The following PTPRT variants were observed in gnomAD, a reference collection of about 807,000 sequenced individuals.
PTPRT encodes receptor-type tyrosine-protein phosphatase T.
In PTPRT, 56 loss-of-function variants were observed where a neutral mutation model predicts 176.8. That is an observed-to-expected ratio of 0.32 (90% CI 0.26 to 0.40). PTPRT has a LOEUF of 0.40. PTPRT is among the 10% of genes least tolerant of loss of function. The pLI is 1.00. For synonymous variants in PTPRT, 783 were observed against 739.0 expected, an observed-to-expected ratio of 1.06 and a Z score of -0.96; for missense variants, 1,540 against 1,908.2, an observed-to-expected ratio of 0.81 and a Z score of 3.60.
intron 1 of PTPRT, among the ~76,000 whole-genome samples, chr20:43,110,344 T>C (rs114024603): frequency 3.2e-4 from 48 of 152,324 alleles, no homozygotes; most frequent in African/African-American, 1.2e-3. Flanking sequence ...CACCTCAGAA[T>C]AGGCCCTCCT....
intron 1 of PTPRT, among the ~76,000 whole-genome samples, chr20:42,886,902 G>T (rs1437253301): frequency 1.3e-5 from 2 of 152,180 alleles, no homozygotes; most frequent in Non-Finnish European, 2.9e-5. Context: ...ATGGGCGGAG[G>T]GCAGGAGGAA....
At chr20:42,328,054 A>G (rs2057911119) in intron 11 of PTPRT, among the ~76,000 whole-genome samples, 2 of 152,248 alleles carry the variant, frequency 1.3e-5, no homozygotes, top group South Asian at 4.1e-4. Flanking sequence ...GCACAAATGA[A>G]AACCTCCAAC....
intron 1 of PTPRT, among the ~76,000 whole-genome samples, chr20:42,947,904 TTA>T (rs1980988958): frequency 6.6e-6 from 1 of 152,164 alleles, no homozygotes; most frequent in South Asian, 2.1e-4. Context: ...GAACAGGGAA[TTA>T]TGTCTGTCTT....
chr20:42,679,406 C>T (rs2146075062), intron 6 of PTPRT, among the ~76,000 whole-genome samples: 2 of 152,076 alleles, frequency 1.3e-5, no homozygotes, highest in East Asian at 3.9e-4. Context: ...GACCAACTTG[C>T]ACCAAGGAAA....
chr20:42,136,047 A>G (rs1988358632), intron 18 of PTPRT, among the ~76,000 whole-genome samples: 2 of 152,044 alleles, frequency 1.3e-5, no homozygotes, highest in African/African-American at 4.8e-5. Context: ...AACTCTCAGA[A>G]CAAACCACAA....
intron 1 of PTPRT, among the ~76,000 whole-genome samples, chr20:43,111,587 G>A (rs964839232): frequency 6.6e-6 from 1 of 151,276 alleles, no homozygotes; most frequent in African/African-American, 2.4e-5. Context: ...TACATAATGG[G>A]ACTTGTATAT....
At chr20:42,625,247 A>C (rs1350544847) in intron 7 of PTPRT, among the ~76,000 whole-genome samples, 1 of 152,104 alleles carries the variant, frequency 6.6e-6, no homozygotes, top group Admixed American at 6.5e-5. Flanking sequence ...AAGATGTTTA[A>C]TTTCTCTGGG....
At chr20:42,658,051 C>T (rs755514654) in intron 7 of PTPRT, among the ~76,000 whole-genome samples, 2 of 151,878 alleles carry the variant, frequency 1.3e-5, no homozygotes, top group Non-Finnish European at 2.9e-5. Context: ...CTATCACTGA[C>T]TTGTACATAT....
At chr20:42,619,051 T>G (rs2074137095) in intron 7 of PTPRT, among the ~76,000 whole-genome samples, 1 of 149,726 alleles carries the variant, frequency 6.7e-6, no homozygotes, top group Non-Finnish European at 1.5e-5. Context: ...GTCTTTACAT[T>G]TTGGCATGAT....
chr20:42,799,294 C>T (rs1393823238), intron 2 of PTPRT, among the ~76,000 whole-genome samples: 3 of 152,018 alleles, frequency 2.0e-5, no homozygotes, highest in Non-Finnish European at 4.4e-5. Context: ...GGAGACAAAG[C>T]AGAATAACAT....
chr20:42,091,717 C>T (rs1179368708), intron 27 of PTPRT, among the ~76,000 whole-genome samples: 1 of 152,044 alleles, frequency 6.6e-6, no homozygotes, highest in Non-Finnish European at 1.5e-5. Flanking sequence ...ATATAATTGG[C>T]TTTGATACTA....
At chr20:42,104,985 C>T (rs371619966) in intron 24 of PTPRT, among the ~76,000 whole-genome samples, 11 of 152,132 alleles carry the variant, frequency 7.2e-5, no homozygotes, top group South Asian at 2.1e-4. Context: ...TGTCAGCAGG[C>T]GCTCTTGGTG....
At chr20:43,069,377 A>G (rs1195650685) in intron 1 of PTPRT, among the ~76,000 whole-genome samples, 2 of 152,216 alleles carry the variant, frequency 1.3e-5, no homozygotes, top group African/African-American at 4.8e-5. Context: ...GCAATAACAA[A>G]TCTTCTACAA....
chr20:43,175,292 T>A (rs1421998918), intron 1 of PTPRT, among the ~76,000 whole-genome samples: 1 of 152,256 alleles, frequency 6.6e-6, no homozygotes, highest in Non-Finnish European at 1.5e-5. Flanking sequence ...TAAAGTTCTC[T>A]ATTTCCCTTC....
At chr20:42,272,625 C>G (rs1338148198) in intron 13 of PTPRT, among the ~76,000 whole-genome samples, 1 of 152,126 alleles carries the variant, frequency 6.6e-6, no homozygotes, top group Non-Finnish European at 1.5e-5. Context: ...GGGTGTCCTT[C>G]CCCAAAAAGG....
intron 7 of PTPRT, among the ~76,000 whole-genome samples, chr20:42,595,301 T>C (rs1377918564): frequency 6.6e-6 from 1 of 152,070 alleles, no homozygotes. Context: ...CATTGACATT[T>C]TGGGCCAGAA....
intron 7 of PTPRT, among the ~76,000 whole-genome samples, chr20:42,530,782 C>T (rs889088136): frequency 6.6e-6 from 1 of 152,152 alleles, no homozygotes; most frequent in Non-Finnish European, 1.5e-5. Flanking sequence ...CTTTGCAGTA[C>T]TTGTGCATCC....
At chr20:42,219,162 A>G (rs2055830693) in intron 15 of PTPRT, among the ~76,000 whole-genome samples, 1 of 152,170 alleles carries the variant, frequency 6.6e-6, no homozygotes, top group African/African-American at 2.4e-5. Context: ...GTTAGAGATG[A>G]CGGGTCCCTG....
intron 1 of PTPRT, among the ~76,000 whole-genome samples, chr20:43,078,324 C>T (rs2011334734): frequency 6.6e-6 from 1 of 152,188 alleles, no homozygotes. Flanking sequence ...GACCACTCAG[C>T]CAGCCCTGAA....
Sources: gnomAD v4.1 joint callset for allele counts (sites outside exome capture counted in the v4.1 genomes callset) on GRCh38, gnomAD v4.1.1 for gene constraint, MANE v1.5 for transcripts, NCBI Gene and HGNC (gene_info 2026-07-23, HGNC 2026-07-21) for gene names.